Variants in RCAN2 observed in about 807,000 individuals in gnomAD.
RCAN2 encodes the protein calcipressin-2.
Under a neutral mutation model 23.6 loss-of-function variants are expected in RCAN2, and 9 were observed. The ratio of observed to expected loss-of-function variants is 0.38; its 90% CI spans 0.23 to 0.67. The LOEUF is 0.67. Ranked by LOEUF, RCAN2 falls within the 30% of genes least tolerant of loss-of-function variation. RCAN2 has a pLI of 0.51. For synonymous variants in RCAN2, 109 were observed against 115.7 expected (o/e 0.94, Z 0.37); for missense variants, 273 against 302.3 (o/e 0.90, Z 0.72).
intron 1 of RCAN2, chr6:46,468,846 G>T (rs1768470175): frequency 3.0e-6 from 3 of 985,260 alleles, no homozygotes; most frequent in Non-Finnish European, 3.6e-6. Flanking sequence ...GAGTCTCACA[G>T]ATTCTCATTG....
intron 2 of RCAN2, among the ~76,000 whole-genome samples, chr6:46,253,108 C>G (rs1052300789): frequency 6.6e-6 from 1 of 152,058 alleles, no homozygotes; most frequent in Non-Finnish European, 1.5e-5. Context: ...CCAACTTGAC[C>G]AATTTCAATA....
rs1370706913 is a variant in RCAN2, at chr6:46,434,056, A to C, written c.225+22696T>G. ...TTCATGTGATTTGATATGGTAATTA[A>C]TTTATCATTGGTACTTTAAAATTTA... On this transcript the variant is annotated intron_variant, in intron 2 of 4. Transcript: ENST00000371374. Among the ~76,000 whole-genome samples, 3 of 152,272 alleles carry C rather than the reference A, an allele frequency of 2.0e-5. No homozygotes were observed. The East Asian group carries it at 5.8e-4, about 29-fold the overall frequency.
intron 2 of RCAN2, among the ~76,000 whole-genome samples, chr6:46,452,434 A>C (rs1767907419): frequency 1.3e-5 from 2 of 152,212 alleles, no homozygotes; most frequent in African/African-American, 4.8e-5. Flanking sequence ...CTAGGATTCT[A>C]TCCTACATCA....
At chr6:46,486,962 ATTAAT>A (rs1769007871) in intron 1 of RCAN2, among the ~76,000 whole-genome samples, 2 of 152,308 alleles carry the variant, frequency 1.3e-5, no homozygotes, top group South Asian at 4.1e-4. Flanking sequence ...TCCTCAACTA[ATTAAT>A]TTAACTTACA....
intron 2 of RCAN2, among the ~76,000 whole-genome samples, chr6:46,448,771 T>C (rs567018136): frequency 6.6e-6 from 1 of 152,024 alleles, no homozygotes; most frequent in South Asian, 2.1e-4. Flanking sequence ...TTTGACAAAA[T>C]TCAACCCTCT....
Position 46,248,780 on chromosome 6 carries a change from C to T in RCAN2, c.342G>A (p.Arg114=), listed in dbSNP as rs1561827143. 1 of 1,613,368 alleles carries T rather than the reference C, an allele frequency of 6.2e-7. No individual in the cohort carries two copies. The highest frequency in any genetic ancestry group is 1.1e-5 in the South Asian group (1 of 90,996). ...TGAATTGGGTTTCATGAAGCTCTATCCTAGCTCGGGCTGCAGATTTAGGAT... is the reference window on the plus strand; with the variant it reads ...TGAATTGGGTTTCATGAAGCTCTATTCTAGCTCGGGCTGCAGATTTAGGAT... ...FSNPKSAARA[R]IELHETQFRG... is the part of the protein sequence containing the mutation. The change falls in exon 3 of 5, where the codon AGG becomes AGA. Residue 114 remains arginine (R), a synonymous_variant. Coordinates refer to ENST00000371374, the MANE Select transcript of RCAN2 (RefSeq NM_001251974.2).
intron 2 of RCAN2, among the ~76,000 whole-genome samples, chr6:46,350,485 G>A (rs914486548): frequency 7.9e-5 from 12 of 152,194 alleles, no homozygotes; most frequent in Non-Finnish European, 1.6e-4. Flanking sequence ...TGCATCATGG[G>A]AGGGAAGTGA....
chr6:46,292,546 G>C (rs1321033718), intron 2 of RCAN2, among the ~76,000 whole-genome samples: 2 of 147,644 alleles, frequency 1.4e-5, no homozygotes, highest in African/African-American at 5.0e-5. Flanking sequence ...AACCTCAAAT[G>C]ATCTGCTGAG....
At chr6:46,464,057 T>C (rs1007979425) in intron 1 of RCAN2, among the ~76,000 whole-genome samples, 3 of 152,172 alleles carry the variant, frequency 2.0e-5, no homozygotes, top group African/African-American at 4.8e-5. Context: ...TCAGTTTTGA[T>C]TGAAAAACAA....
At chr6:46,405,885 A>G (rs1246353020) in intron 2 of RCAN2, among the ~76,000 whole-genome samples, 1 of 152,158 alleles carries the variant, frequency 6.6e-6, no homozygotes, top group Non-Finnish European at 1.5e-5. Flanking sequence ...CAGGCATGGC[A>G]GGCTGCAGGT....
At chr6:46,370,776 C>A (rs972435238) in intron 2 of RCAN2, among the ~76,000 whole-genome samples, 1 of 152,216 alleles carries the variant, frequency 6.6e-6, no homozygotes, top group African/African-American at 2.4e-5. Context: ...CTGCTGGAAT[C>A]CTGACTAATA....
At chr6:46,404,738 A>T (rs1766349186) in intron 2 of RCAN2, among the ~76,000 whole-genome samples, 1 of 152,196 alleles carries the variant, frequency 6.6e-6, no homozygotes, top group African/African-American at 2.4e-5. Context: ...CCTGGTAGAG[A>T]AATGGAGGTC....
At chr6:46,271,156 A>C (rs1469748409) in intron 2 of RCAN2, among the ~76,000 whole-genome samples, 1 of 152,122 alleles carries the variant, frequency 6.6e-6, no homozygotes, top group Non-Finnish European at 1.5e-5. Flanking sequence ...CTATCTCTCT[A>C]TCTGTCTGTC....
At chr6:46,266,674 A>G (rs1582046404) in intron 2 of RCAN2, among the ~76,000 whole-genome samples, 1 of 152,326 alleles carries the variant, frequency 6.6e-6, no homozygotes, top group East Asian at 1.9e-4. Context: ...GGATATAAGC[A>G]GCAGATTCCC....
At chr6:46,438,204 T>C (rs1767427006) in intron 2 of RCAN2, 1 of 152,178 alleles carries the variant, frequency 6.6e-6, no homozygotes, top group African/African-American at 2.4e-5. Flanking sequence ...TGACATGGGA[T>C]GGGTCCATGT....
intron 2 of RCAN2, among the ~76,000 whole-genome samples, chr6:46,388,503 G>A (rs1271470378): frequency 6.6e-6 from 1 of 152,112 alleles, no homozygotes; most frequent in African/African-American, 2.4e-5. Flanking sequence ...GCACATGTAT[G>A]TTTATTGCTG....
intron 2 of RCAN2, among the ~76,000 whole-genome samples, chr6:46,301,512 C>A (rs1427688371): frequency 6.6e-6 from 1 of 152,078 alleles, no homozygotes; most frequent in African/African-American, 2.4e-5. Context: ...CAACAAACAT[C>A]TATTAAATGT....
intron 2 of RCAN2, 57 bp from the exon 3 acceptor site, chr6:46,248,953 T>C (rs927415392): frequency 4.8e-6 from 6 of 1,249,474 alleles, no homozygotes; most frequent in Admixed American, 2.3e-5. Context: ...TCTCGTATGA[T>C]GTCATATCTG....
intron 2 of RCAN2, among the ~76,000 whole-genome samples, chr6:46,275,039 G>A (rs902311438): frequency 6.6e-6 from 1 of 152,194 alleles, no homozygotes; most frequent in African/African-American, 2.4e-5. Flanking sequence ...CAAGGTCACT[G>A]TCACTCTTAA....
Sources: gnomAD v4.1 joint callset for allele counts (sites outside exome capture counted in the v4.1 genomes callset) on GRCh38, gnomAD v4.1.1 for gene constraint, MANE v1.5 for transcripts, NCBI Gene and HGNC (gene_info 2026-07-23, HGNC 2026-07-21) for gene names.